SLC44A5: variants seen among roughly 807,000 people sequenced by gnomAD.
SLC44A5 encodes solute carrier family 44 member 5, also known as choline transporter-like protein 5.
Under a neutral mutation model 101.8 loss-of-function variants are expected in SLC44A5, and 57 were observed. The observed-to-expected ratio is 0.56, with a 90% CI of 0.45 to 0.70. The LOEUF is 0.70. Among genes scored for constraint, SLC44A5 ranks in the 30% least tolerant of loss-of-function variants. The pLI, the probability that SLC44A5 is intolerant of heterozygous loss-of-function variation, is 0.00. For synonymous variants in SLC44A5, 281 were observed against 290.9 expected (o/e 0.97, Z 0.35); for missense variants, 737 against 853.1 (o/e 0.86, Z 1.70).
chr1:75,213,373 C>T (rs925757010), intron 22 of SLC44A5, among the ~76,000 whole-genome samples: 7 of 152,050 alleles, frequency 4.6e-5, no homozygotes, highest in African/African-American at 1.4e-4. Context: ...AATTGTGTAC[C>T]CCCTAAATTC....
chr1:75,660,455 T>C, the SLC44A5 span, among the ~76,000 whole-genome samples: 18 of 152,056 alleles, frequency 1.2e-4, no homozygotes, highest in African/African-American at 4.3e-4. Flanking sequence ...TTAAACATAG[T>C]AGTAGAAGTC....
At chr1:75,644,463 A>T in the SLC44A5 span, among the ~76,000 whole-genome samples, 2 of 152,046 alleles carry the variant, frequency 1.3e-5, no homozygotes, top group African/African-American at 4.8e-5. Context: ...CCTCTAAAAA[A>T]GCTAATGTTT....
At chr1:75,405,563 C>T (rs556145248) in intron 2 of SLC44A5, among the ~76,000 whole-genome samples, 2 of 152,110 alleles carry the variant, frequency 1.3e-5, no homozygotes, top group African/African-American at 2.4e-5. Context: ...CACTCAAAAC[C>T]ATACAACTAC....
upstream of SLC44A5, among the ~76,000 whole-genome samples, chr1:75,612,974 T>G (rs1043277956): frequency 3.3e-5 from 5 of 152,170 alleles, no homozygotes; most frequent in Admixed American, 2.6e-4. Flanking sequence ...GTCCTTTTGA[T>G]GAGATGTCAC....
At chr1:75,451,885 C>T (rs72684139) in intron 2 of SLC44A5, among the ~76,000 whole-genome samples, 4,242 of 152,172 alleles carry the variant, frequency 0.028, 82 homozygotes, top group Non-Finnish European at 0.044. Flanking sequence ...GAATTATTGG[C>T]ATTCCAGAAA....
chr1:75,511,146 AAAAAAGAAAAG>A (rs1389938797), intron 2 of SLC44A5, among the ~76,000 whole-genome samples: 24 of 152,348 alleles, frequency 1.6e-4, no homozygotes, highest in Non-Finnish European at 2.1e-4. Flanking sequence ...CCGTCTCAGA[AAAAAAGAAAAG>A]AAAAAGAAAA....
At chr1:75,509,632 A>G in intron 2 of SLC44A5, among the ~76,000 whole-genome samples, 1 of 152,192 alleles carries the variant, frequency 6.6e-6, no homozygotes, top group East Asian at 1.9e-4. Context: ...TATCCTCCAA[A>G]GCACCATGGT....
chr1:75,673,170 TTGGATCC>T, the SLC44A5 span, among the ~76,000 whole-genome samples: 2 of 151,972 alleles, frequency 1.3e-5, no homozygotes, highest in Non-Finnish European at 2.9e-5. Context: ...ATTCCAGGAC[TTGGATCC>T]TGGATGGCTT....
the SLC44A5 span, among the ~76,000 whole-genome samples, chr1:75,618,440 G>T: frequency 6.6e-6 from 1 of 152,204 alleles, no homozygotes; most frequent in Admixed American, 6.5e-5. Context: ...AGCCCACACT[G>T]TGTGTTTTTG....
At chr1:75,331,028 G>T (rs1657014801) in intron 4 of SLC44A5, among the ~76,000 whole-genome samples, 2 of 145,462 alleles carry the variant, frequency 1.4e-5, no homozygotes, top group South Asian at 2.2e-4. Flanking sequence ...CCAACTCACT[G>T]GGTGTTCTTC....
chr1:75,321,608 A>C (rs1036227024), intron 4 of SLC44A5, among the ~76,000 whole-genome samples: 1 of 152,156 alleles, frequency 6.6e-6, no homozygotes, highest in Admixed American at 6.6e-5. Flanking sequence ...GGGTTTCAAC[A>C]CGTATATTTT....
At chr1:75,265,133 A>T (rs542615695) in intron 6 of SLC44A5, among the ~76,000 whole-genome samples, 1 of 152,210 alleles carries the variant, frequency 6.6e-6, no homozygotes, top group Non-Finnish European at 1.5e-5. Flanking sequence ...AACAAAGAAA[A>T]GTTCAGGACC....
At chr1:75,592,929 A>G (rs1420467235) in intron 1 of SLC44A5, among the ~76,000 whole-genome samples, 1 of 152,114 alleles carries the variant, frequency 6.6e-6, no homozygotes, top group African/African-American at 2.4e-5. Context: ...ACATTGGTCT[A>G]GGCAAAAATT....
intron 1 of SLC44A5, among the ~76,000 whole-genome samples, chr1:75,584,710 A>G (rs1673897048): frequency 1.3e-5 from 2 of 152,076 alleles, no homozygotes; most frequent in South Asian, 2.1e-4. Flanking sequence ...TTCCAGTTCA[A>G]GCGATTCTCA....
chr1:75,528,804 A>C (rs1570535024), intron 2 of SLC44A5, among the ~76,000 whole-genome samples: 1 of 152,274 alleles, frequency 6.6e-6, no homozygotes, highest in South Asian at 2.1e-4. Context: ...GTATGTTCCA[A>C]ACAAAATGTT....
At chr1:75,504,572 G>A (rs953248704) in intron 2 of SLC44A5, among the ~76,000 whole-genome samples, 18 of 151,934 alleles carry the variant, frequency 1.2e-4, no homozygotes, top group African/African-American at 4.1e-4. Context: ...ATAAAATGTA[G>A]ACACAACCAT....
chr1:75,266,884 A>G (rs934659155), intron 6 of SLC44A5, among the ~76,000 whole-genome samples: 33 of 152,226 alleles, frequency 2.2e-4, no homozygotes, highest in African/African-American at 7.2e-4. Context: ...AGGCAGTGAT[A>G]AGTATCTAAG....
intron 1 of SLC44A5, among the ~76,000 whole-genome samples, chr1:75,561,352 A>G (rs998145750): frequency 1.7e-4 from 26 of 152,086 alleles, no homozygotes; most frequent in Non-Finnish European, 2.8e-4. Context: ...AATTACTCTT[A>G]CCCTGACTTT....
chr1:75,441,744 A>T (rs948630790), intron 2 of SLC44A5, among the ~76,000 whole-genome samples: 2 of 150,818 alleles, frequency 1.3e-5, no homozygotes, highest in Non-Finnish European at 3.0e-5. Context: ...ATGTTAAAAA[A>T]TTCAAGTGTT....
Sources: allele counts gnomAD v4.1 joint callset (sites outside exome capture counted in the v4.1 genomes callset), GRCh38; gene constraint gnomAD v4.1.1; transcripts MANE v1.5; gene names NCBI Gene and HGNC (gene_info 2026-07-23, HGNC 2026-07-21).